PAK1: variants seen among roughly 807,000 people sequenced by gnomAD.
PAK1 encodes p21 (RAC1) activated kinase 1, also known as serine/threonine-protein kinase PAK 1.
PAK1 carries 29 observed loss-of-function variants against 67.4 expected under a neutral mutation model. The ratio of observed to expected loss-of-function variants is 0.43; its 90% CI spans 0.32 to 0.59. The LOEUF (loss-of-function observed/expected upper bound fraction) is 0.59. PAK1 is among the 20% of genes least tolerant of loss of function. The pLI, the probability that PAK1 is intolerant of heterozygous loss-of-function variation, is 0.07. For missense variants in PAK1, 337 were observed against 670.7 expected, an observed-to-expected ratio of 0.50 and a Z score of 5.50; for synonymous variants, 223 against 237.4, an observed-to-expected ratio of 0.94 and a Z score of 0.56.
chr11:77,417,544 A>G (rs1346054643), intron 1 of PAK1, among the ~76,000 whole-genome samples: 1 of 152,242 alleles, frequency 6.6e-6, no homozygotes, highest in African/African-American at 2.4e-5. Flanking sequence ...GTATGATACT[A>G]TAATCGTGGA....
chr11:77,420,452 TAAC>T (rs1955197584), intron 1 of PAK1, among the ~76,000 whole-genome samples: 1 of 152,204 alleles, frequency 6.6e-6, no homozygotes, highest in South Asian at 2.1e-4. Flanking sequence ...CTGTCAGACT[TAAC>T]AAGTCAAAAC....
chr11:77,349,877 C>CTTAT (rs1195954205), intron 8 of PAK1, among the ~76,000 whole-genome samples: 2 of 151,964 alleles, frequency 1.3e-5, no homozygotes, highest in South Asian at 4.1e-4. Flanking sequence ...GCCAGCATAT[C>CTTAT]TTATTTATTT....
chr11:77,355,978 A>C, intron 6 of PAK1, 136 bp from the exon 7 acceptor site: 1 of 617,534 alleles, frequency 1.6e-6, no homozygotes, highest in Non-Finnish European at 2.9e-6. Context: ...AATCTATATT[A>C]CTCCTCCTCT....
chr11:77,461,521 C>A (rs189789135), intron 1 of PAK1, among the ~76,000 whole-genome samples: 13 of 152,052 alleles, frequency 8.5e-5, no homozygotes, highest in African/African-American at 2.9e-4. Flanking sequence ...ACAATAGTTT[C>A]GGGTAAATTA....
intron 5 of PAK1, among the ~76,000 whole-genome samples, chr11:77,361,821 T>C (rs1946833100): frequency 6.6e-6 from 1 of 152,156 alleles, no homozygotes; most frequent in Admixed American, 6.5e-5. Flanking sequence ...GTTGTATGAA[T>C]AGCACTTTTA....
At chr11:77,514,451 C>A in the PAK1 span, among the ~76,000 whole-genome samples, 2 of 152,162 alleles carry the variant, frequency 1.3e-5, no homozygotes, top group African/African-American at 4.8e-5. Context: ...ACTGAGATCA[C>A]ACCACCGCAC....
chr11:77,465,388 T>G (rs1957550337), intron 1 of PAK1, among the ~76,000 whole-genome samples: 1 of 152,114 alleles, frequency 6.6e-6, no homozygotes, highest in Non-Finnish European at 1.5e-5. Context: ...TAAATGAGAC[T>G]CTATATAAAA....
At chr11:77,387,116 AG>A (rs1392121177) in intron 2 of PAK1, among the ~76,000 whole-genome samples, 2 of 127,930 alleles carry the variant, frequency 1.6e-5, no homozygotes, top group African/African-American at 6.2e-5. Flanking sequence ...TCTGTTACCC[AG>A]GCTGGAGTGC....
At position 77,444,863 on chromosome 11, in the gene PAK1, T is replaced by C. The variant is rs116084186; in HGVS notation, c.-22+28689A>G. Among the ~76,000 whole-genome samples, 873 of 152,292 alleles carry C rather than the reference T, an allele frequency of 5.7e-3. 20 individuals are homozygous for C. Among genetic ancestry groups the C allele is most frequent in the African/African-American group, 0.02 (848 of 41,552 alleles). On this transcript the variant is annotated intron_variant, in intron 1 of 14. Transcript: ENST00000356341. Reference sequence around the variant, plus strand: ...TGTCCTCTGATGGAGGTCTGAATACTGCAAGGACTTATCCCACAATATCTC... The same window carrying C: ...TGTCCTCTGATGGAGGTCTGAATACCGCAAGGACTTATCCCACAATATCTC...
chr11:77,366,837 T>C (rs1480437320), intron 5 of PAK1, among the ~76,000 whole-genome samples: 1 of 152,200 alleles, frequency 6.6e-6, no homozygotes, highest in Non-Finnish European at 1.5e-5. Context: ...CCCCAGCAGT[T>C]CCATTCCTTG....
intron 1 of PAK1, among the ~76,000 whole-genome samples, chr11:77,462,373 C>A (rs1481547404): frequency 6.6e-6 from 1 of 151,814 alleles, no homozygotes; most frequent in Non-Finnish European, 1.5e-5. Context: ...AGCATCAGGA[C>A]ATACTTTCAA....
At chr11:77,358,654 G>A (rs962464923) in intron 6 of PAK1, among the ~76,000 whole-genome samples, 4 of 152,034 alleles carry the variant, frequency 2.6e-5, no homozygotes, top group Non-Finnish European at 4.4e-5. Context: ...GACTGGACTG[G>A]TATAAACATC....
At chr11:77,454,427 A>C (rs775936482) in intron 1 of PAK1, among the ~76,000 whole-genome samples, 4 of 152,194 alleles carry the variant, frequency 2.6e-5, no homozygotes, top group Non-Finnish European at 2.9e-5. Context: ...ATTCCTCATG[A>C]ACTGGTCCCT....
At chr11:77,401,787 G>A (rs964275554) in intron 1 of PAK1, among the ~76,000 whole-genome samples, 3 of 152,106 alleles carry the variant, frequency 2.0e-5, no homozygotes, top group Admixed American at 6.5e-5. Flanking sequence ...TTCTGCTCCC[G>A]AAATGTAACA....
intron 5 of PAK1, among the ~76,000 whole-genome samples, chr11:77,369,904 G>C (rs1361979718): frequency 6.6e-6 from 1 of 151,686 alleles, no homozygotes; most frequent in Non-Finnish European, 1.5e-5. Flanking sequence ...CTTCCTCTGG[G>C]GCTAATTTTC....
In PAK1 at chr11:77,390,430, A is replaced by G. The variant is rs545048835; in HGVS notation, c.190+1901T>C. ...TGGCCAGGCTGATCTTGAACTTCTGACTTCAGGTGATCCACCCGCCTCAGC... is the reference window on the plus strand; with the variant it reads ...TGGCCAGGCTGATCTTGAACTTCTGGCTTCAGGTGATCCACCCGCCTCAGC... On this transcript the variant is annotated intron_variant, in intron 2 of 14. Coordinates refer to ENST00000356341, the MANE Select transcript of PAK1 (RefSeq NM_002576.5). Among the ~76,000 whole-genome samples the G allele has an allele frequency of 1.4e-4, 22 of 151,938 alleles. No homozygotes were observed. In the South Asian group the frequency reaches 3.1e-3, roughly 22 times the overall value.
At chr11:77,442,249 T>C (rs1035531379) in intron 1 of PAK1, among the ~76,000 whole-genome samples, 2 of 152,206 alleles carry the variant, frequency 1.3e-5, no homozygotes, top group Non-Finnish European at 2.9e-5. Context: ...CCCTGTCTCC[T>C]GGTATTTGCA....
chr11:77,451,424 G>A (rs116562115), intron 1 of PAK1, among the ~76,000 whole-genome samples: 35 of 152,082 alleles, frequency 2.3e-4, no homozygotes, highest in African/African-American at 8.0e-4. Flanking sequence ...ACATCATACC[G>A]CCTTTGTCCA....
chr11:77,477,811 C>G (rs1313050469), upstream of PAK1, among the ~76,000 whole-genome samples: 1 of 152,134 alleles, frequency 6.6e-6, no homozygotes, highest in Non-Finnish European at 1.5e-5. Flanking sequence ...GTAATCCCAG[C>G]ATTTTGGGAG....
Sources: gnomAD v4.1 joint callset for allele counts (sites outside exome capture counted in the v4.1 genomes callset) on GRCh38, gnomAD v4.1.1 for gene constraint, MANE v1.5 for transcripts, NCBI Gene and HGNC (gene_info 2026-07-23, HGNC 2026-07-21) for gene names.